The following MACF1 variants were observed in gnomAD, a reference collection of about 807,000 sequenced individuals.
MACF1 encodes the protein microtubule-actin cross-linking factor 1.
A neutral mutation model predicts 854.8 loss-of-function variants in MACF1; 193 were observed. The observed-to-expected ratio is 0.23, with a 90% CI of 0.20 to 0.25. MACF1 has a LOEUF of 0.25. Ranked by LOEUF, MACF1 falls within the 10% of genes least tolerant of loss-of-function variation. MACF1 has a pLI of 1.00. For synonymous variants in MACF1, 3,185 were observed against 3,226.7 expected (o/e 0.99, Z 0.44); for missense variants, 7,722 against 8,929.1 (o/e 0.86, Z 5.45).
In MACF1 at chr1:39,442,283, T is replaced by C. The variant is rs1458924320; in HGVS notation, c.18911T>C (p.Leu6304Pro). The part of the protein sequence containing the change: ...IREPLTELKH[L>P]WENLGEKIAH... Reference sequence around the variant, plus strand: ...GAACCACTGACAGAACTCAAACACCTCTGGGAGAACCTGGGTGAGAAAATT... The same window carrying C: ...GAACCACTGACAGAACTCAAACACCCCTGGGAGAACCTGGGTGAGAAAATT... The change falls in exon 76 of 101, where the codon CTC becomes CCC. Residue 6304 changes from leucine to proline, a missense_variant. By Grantham distance (98) the Leu-to-Pro change is moderately conservative. Transcript: ENST00000564288. 6.2e-7 allele frequency: 1 copy of C among 1,604,480 alleles called. No homozygotes were observed. Among genetic ancestry groups the C allele is most frequent in the Admixed American group, 1.7e-5 (1 of 57,202 alleles).
intron 20 of MACF1, 124 bp downstream of exon 20, chr1:39,296,006 A>T (rs1238209467): frequency 2.6e-6 from 2 of 760,968 alleles, no homozygotes; most frequent in African/African-American, 3.6e-5. Flanking sequence ...AGTTGCTTAA[A>T]ACAATAGTCA....
intron 40 of MACF1, among the ~76,000 whole-genome samples, 181 bp downstream of exon 40, chr1:39,341,134 A>G (rs1047529182): frequency 2.6e-5 from 4 of 151,430 alleles, no homozygotes; most frequent in African/African-American, 7.3e-5. Context: ...CCTGGGTTCA[A>G]GCGATTCTCC....
At chr1:39,284,212 G>C (rs2039597) in intron 10 of MACF1, 27 bp downstream of exon 10, 1 of 1,605,040 alleles carries the variant, frequency 6.2e-7, no homozygotes, top group South Asian at 1.1e-5. Flanking sequence ...AAATTTTTTT[G>C]GTAAAATCTT....
At chr1:39,271,685 G>T (rs1178282784) in intron 6 of MACF1, among the ~76,000 whole-genome samples, 2 of 152,220 alleles carry the variant, frequency 1.3e-5, no homozygotes, top group Non-Finnish European at 2.9e-5. Context: ...CATTAAAATT[G>T]AAATTGTGTA....
chr1:39,327,820 C>T (rs956267535), intron 36 of MACF1, among the ~76,000 whole-genome samples: 12 of 152,256 alleles, frequency 7.9e-5, no homozygotes, highest in Admixed American at 6.5e-4. Context: ...CTGACTAAGA[C>T]GCTGGTTCCC....
At chr1:39,404,918 T>G (rs1344279975) in intron 58 of MACF1, among the ~76,000 whole-genome samples, 1 of 152,174 alleles carries the variant, frequency 6.6e-6, no homozygotes, top group East Asian at 1.9e-4. Flanking sequence ...CCTCCTGCCT[T>G]CCTTCTTCCC....
At chr1:39,218,202 A>G (rs1475190310) in intron 1 of MACF1, among the ~76,000 whole-genome samples, 1 of 151,730 alleles carries the variant, frequency 6.6e-6, no homozygotes, top group Non-Finnish European at 1.5e-5. Context: ...AAAAAAAAAA[A>G]AAGCTTCCCA....
chr1:39,175,161 C>G (rs754757091), intron 2 of MACF1, among the ~76,000 whole-genome samples: 17 of 152,146 alleles, frequency 1.1e-4, no homozygotes, highest in Non-Finnish European at 2.2e-4. Context: ...AGTAAAATCT[C>G]ATCTTCCTGC....
intron 2 of MACF1, among the ~76,000 whole-genome samples, chr1:39,132,757 G>GT (rs1213517943): frequency 3.3e-5 from 5 of 152,244 alleles, no homozygotes; most frequent in African/African-American, 9.6e-5. Context: ...CATTTGATGT[G>GT]TGGGGGGTGG....
In MACF1 at chr1:39,434,614, G is replaced by A; in HGVS notation, c.17766G>A (p.Gln5922=). The change falls in exon 69 of 101, where the codon CAG becomes CAA. Residue 5922 remains glutamine, a synonymous_variant. Coordinates refer to ENST00000564288, the MANE Select transcript of MACF1 (RefSeq NM_001394062.1). ...CCATTGATCATGAGCAGCTCAGGCA[G>A]CAACAAGAGGAAATGAGGGTAAGGA... is the stretch of plus-strand genomic sequence containing the variant. The part of the protein sequence containing the change: ...SPAIDHEQLR[Q]QQEEMRQLRE... 6.2e-7 allele frequency: 1 copy of A among 1,614,050 alleles called. No individual in the cohort carries two copies. The highest frequency in any genetic ancestry group is 2.2e-5 in the East Asian group (1 of 44,880).
rs753574553 is a variant in MACF1, at chr1:39,293,474, G to A, written c.2009G>A (p.Arg670Gln). Reference protein sequence around the residue: ...YCKLKETSSFRMRHLQSLHKF... With the variant: ...YCKLKETSSFQMRHLQSLHKF... ...TTTGTCTAGGAAACTTCTAGCTTCC[G>A]GATGAGGCACCTTCAGAGCCTGCAT... Residue 670 changes from arginine (R) to glutamine (Q), a missense_variant, in exon 18 of 101, where the codon CGG becomes CAG. Arg to Gln is a conservative substitution (Grantham distance 43). Around this residue, in one of 15 missense-constraint regions of MACF1, gnomAD observed 1,137 missense variants for 1,263.0 expected, o/e 0.90. Coordinates refer to ENST00000564288, the MANE Select transcript of MACF1 (RefSeq NM_001394062.1). 6.2e-6 allele frequency: 10 copies of A among 1,611,370 alleles called. No individual in the cohort carries two copies. Among genetic ancestry groups the A allele is most frequent in the South Asian group, 3.3e-5 (3 of 90,760 alleles).
At position 39,451,191 on chromosome 1, in the gene MACF1, A is replaced by G. The variant is rs775764189; in HGVS notation, c.20398A>G (p.Asn6800Asp). 6.2e-7 allele frequency: 1 copy of G among 1,613,870 alleles called. No individual in the cohort carries two copies. Among genetic ancestry groups the G allele is most frequent in the Non-Finnish European group, 8.5e-7 (1 of 1,179,926 alleles). Residue 6800 changes from asparagine to aspartate, a missense_variant, in exon 85 of 101, where the codon AAC (asparagine) becomes GAC (aspartate). This residue lies in a region of MACF1 where 729 missense variants were observed against 900.5 expected (regional missense o/e 0.81). Coordinates refer to ENST00000564288, the MANE Select transcript of MACF1 (RefSeq NM_001394062.1). ...GCACGGGGACCTTGACCTCGTCATG[A>G]ACCTCATGGATGCACACAAGGTAGG... is the stretch of plus-strand genomic sequence containing the variant. ...PVHGDLDLVM[N>D]LMDAHKVFQK... is the part of the protein sequence containing the mutation.
chr1:39,440,958 G>A (rs752323896), intron 72 of MACF1, 45 bp from the exon 73 acceptor site: 81 of 1,611,300 alleles, frequency 5.0e-5, no homozygotes, highest in Non-Finnish European at 6.8e-5. Flanking sequence ...GGTAAGTTCT[G>A]TTCTGTTTTC....
intron 2 of MACF1, among the ~76,000 whole-genome samples, chr1:39,096,714 C>T (rs1641946787): frequency 6.6e-6 from 1 of 152,048 alleles, no homozygotes; most frequent in Non-Finnish European, 1.5e-5. Flanking sequence ...TTGTAGCTCA[C>T]TGCAACTTCA....
intron 2 of MACF1, among the ~76,000 whole-genome samples, chr1:39,238,064 C>T (rs145963254): frequency 2.0e-5 from 3 of 152,286 alleles, no homozygotes; most frequent in East Asian, 3.9e-4. Flanking sequence ...TCCCTAAAAA[C>T]GACTTCTCAT....
At chr1:39,451,689 C>A (rs191285328) in intron 85 of MACF1, among the ~76,000 whole-genome samples, 148 of 152,240 alleles carry the variant, frequency 9.7e-4, no homozygotes, top group South Asian at 2.3e-3. Context: ...CTTGAAATTA[C>A]AACAGATTCT....
chr1:39,300,757 A>G (rs1646022809), intron 22 of MACF1, among the ~76,000 whole-genome samples: 1 of 152,212 alleles, frequency 6.6e-6, no homozygotes, highest in Non-Finnish European at 1.5e-5. Context: ...CCCTAAGAGC[A>G]TAAGTGGCTG....
Position 39,385,882 on chromosome 1 carries a change from G to A in MACF1, c.14297G>A (p.Arg4766His), listed in dbSNP as rs567045558. 1.5e-5 allele frequency: 24 copies of A among 1,613,784 alleles called. No homozygotes were observed. The highest frequency in any genetic ancestry group is 1.7e-5 in the Admixed American group (1 of 60,010). Residue 4766 changes from arginine to histidine, a missense_variant, in exon 57 of 101, where the codon CGT becomes CAT. This residue lies in a region of MACF1 where 2,807 missense variants were observed against 3,235.8 expected (regional missense o/e 0.87). Coordinates refer to ENST00000564288, the MANE Select transcript of MACF1 (RefSeq NM_001394062.1). ...TACCTCAAGGATGAACTGAAGAAGC[G>A]TTTGGAGACAGTTGCCCTGCCTCTC... ...EQYLKDELKK[R>H]LETVALPLQG...
At chr1:39,256,010 C>T (rs1645092848) in intron 5 of MACF1, among the ~76,000 whole-genome samples, 1 of 152,104 alleles carries the variant, frequency 6.6e-6, no homozygotes, top group South Asian at 2.1e-4. Context: ...CGGTAAAGTC[C>T]AAGATGTAGC....
Sources: allele counts gnomAD v4.1 joint callset (sites outside exome capture counted in the v4.1 genomes callset), GRCh38; gene constraint gnomAD v4.1.1; regional missense constraint gnomAD v4.1.1; transcripts MANE v1.5; gene names NCBI Gene and HGNC (gene_info 2026-07-23, HGNC 2026-07-21).